Variants in NSMCE1 observed in about 807,000 individuals in gnomAD.
The protein encoded by NSMCE1 is NSE1 component of SMC5/6 complex, also known as non-structural maintenance of chromosomes element 1 homolog.
A neutral mutation model predicts 29.6 loss-of-function variants in NSMCE1; 18 were observed. The observed-to-expected ratio is 0.61, with a 90% CI of 0.42 to 0.90. The LOEUF (loss-of-function observed/expected upper bound fraction) is 0.90. Ranked by LOEUF, NSMCE1 falls within the 40% of genes least tolerant of loss-of-function variation. NSMCE1 has a pLI of 0.00. For synonymous variants in NSMCE1, 124 were observed against 133.4 expected, an observed-to-expected ratio of 0.93 and a Z score of 0.49; for missense variants, 314 against 343.6, an observed-to-expected ratio of 0.91 and a Z score of 0.68.
intron 2 of NSMCE1, among the ~76,000 whole-genome samples, chr16:27,252,897 C>T (rs144246772): frequency 0.023 from 3,552 of 151,968 alleles, 138 homozygotes; most frequent in African/African-American, 0.08. Context: ...CCAGCCTGGG[C>T]GACAAGAGCA....
At chr16:27,245,427 T>C (rs114723873) in intron 2 of NSMCE1, among the ~76,000 whole-genome samples, 3,248 of 152,306 alleles carry the variant, frequency 0.021, 115 homozygotes, top group African/African-American at 0.073. Flanking sequence ...CCCAAACACA[T>C]GATGTGTGTG....
chr16:27,256,651 T>C (rs942791922), intron 2 of NSMCE1, among the ~76,000 whole-genome samples: 3 of 152,176 alleles, frequency 2.0e-5, no homozygotes, highest in African/African-American at 7.2e-5. Context: ...GACTGATCTA[T>C]CAACACTGAT....
At chr16:27,247,253 C>T (rs747753957) in intron 2 of NSMCE1, among the ~76,000 whole-genome samples, 53 of 152,108 alleles carry the variant, frequency 3.5e-4, no homozygotes, top group Non-Finnish European at 6.8e-4. Flanking sequence ...ATTCTTGTGA[C>T]AGTGAGTGAG....
intron 1 of NSMCE1, among the ~76,000 whole-genome samples, chr16:27,261,796 A>G (rs1430914176): frequency 6.6e-6 from 1 of 152,246 alleles, no homozygotes; most frequent in South Asian, 2.1e-4. Flanking sequence ...TCATGAACAC[A>G]GCTACAGTAT....
intron 5 of NSMCE1, among the ~76,000 whole-genome samples, chr16:27,227,973 C>T (rs1369745372): frequency 6.6e-6 from 1 of 152,054 alleles, no homozygotes; most frequent in African/African-American, 2.4e-5. Context: ...TTAGTAGAGA[C>T]AGGGTTTCAC....
At chr16:27,226,025 T>C in intron 6 of NSMCE1, 179 bp from the exon 7 acceptor site, 1 of 680,012 alleles carries the variant, frequency 1.5e-6, no homozygotes, top group Non-Finnish European at 2.4e-6. Flanking sequence ...GTTTGCTTGC[T>C]GCTTGTTGCG....
chr16:27,267,091 T>C (rs2084234002), intron 1 of NSMCE1, among the ~76,000 whole-genome samples: 1 of 152,128 alleles, frequency 6.6e-6, no homozygotes, highest in African/African-American at 2.4e-5. Flanking sequence ...AGAGTTCATA[T>C]ATACAGATAA....
At chr16:27,238,841 A>C (rs1204136845) in intron 2 of NSMCE1, among the ~76,000 whole-genome samples, 1 of 150,404 alleles carries the variant, frequency 6.6e-6, no homozygotes, top group Non-Finnish European at 1.5e-5. Context: ...AATGAGTCCT[A>C]TGTGTCCCTC....
At chr16:27,252,216 G>A (rs1315965253) in intron 2 of NSMCE1, among the ~76,000 whole-genome samples, 1 of 152,120 alleles carries the variant, frequency 6.6e-6, no homozygotes, top group Admixed American at 6.5e-5. Flanking sequence ...GATGGGGGCT[G>A]GTCACCAGAA....
chr16:27,238,780 A>T (rs1309011984), intron 2 of NSMCE1, among the ~76,000 whole-genome samples: 1 of 152,036 alleles, frequency 6.6e-6, no homozygotes, highest in Non-Finnish European at 1.5e-5. Flanking sequence ...TGCTCTGGCC[A>T]TGAGGTGATG....
chr16:27,251,207 T>TATATATATAAA (rs1555477430), intron 2 of NSMCE1, among the ~76,000 whole-genome samples: 1 of 70,770 alleles, frequency 1.4e-5, no homozygotes, highest in Non-Finnish European at 2.9e-5. Context: ...TATATATATA[T>TATATATATAAA]AAAACTCTGT....
chr16:27,265,161 CTTTTTTT>C (rs5816427), intron 1 of NSMCE1, among the ~76,000 whole-genome samples: 3 of 82,672 alleles, frequency 3.6e-5, no homozygotes, highest in African/African-American at 4.8e-5. Flanking sequence ...AATTCTTTTC[CTTTTTTT>C]TTTTTTTTTT....
chr16:27,259,101 G>T (rs755329006), intron 1 of NSMCE1, among the ~76,000 whole-genome samples: 9 of 152,028 alleles, frequency 5.9e-5, no homozygotes, highest in Non-Finnish European at 8.8e-5. Context: ...GGGAAAATGC[G>T]CCATCTCATA....
intron 1 of NSMCE1, chr16:27,258,297 C>T (rs1486338250): frequency 1.3e-5 from 2 of 152,374 alleles, no homozygotes; most frequent in African/African-American, 2.4e-5. Flanking sequence ...CTGATCAAAA[C>T]GCTGGCTACT....
chr16:27,246,070 T>A (rs2083954316), intron 2 of NSMCE1, among the ~76,000 whole-genome samples: 1 of 152,116 alleles, frequency 6.6e-6, no homozygotes. Flanking sequence ...TACAGGCATG[T>A]CAATCAGCAC....
chr16:27,225,776 GC>G lies in NSMCE1; in HGVS notation c.670del (p.Ala224LeufsTer31), dbSNP rs1424889471. ...GTTGCAGTGGGGGCAGCGCGGTTCA[GC>G]ATTCGACTGGAAGTACTTGGCCACG... ...PCVAKYFQSN[A>X]EPRCPHCNDY... On this transcript the variant is annotated frameshift_variant, in exon 7 of 8. Transcript: ENST00000361439. LOFTEE classifies it high-confidence loss of function. 1 of 1,614,170 alleles carries G rather than the reference GC, an allele frequency of 6.2e-7. No individual in the cohort carries two copies. The highest frequency in any genetic ancestry group is 1.7e-5 in the Admixed American group (1 of 60,024).
intron 2 of NSMCE1, among the ~76,000 whole-genome samples, chr16:27,239,122 T>G (rs2083861145): frequency 6.6e-6 from 1 of 152,200 alleles, no homozygotes; most frequent in Non-Finnish European, 1.5e-5. Flanking sequence ...TCTGCCCACC[T>G]GTCTCCCCAA....
chr16:27,237,614 G>A (rs1326273011), intron 2 of NSMCE1, among the ~76,000 whole-genome samples: 1 of 131,592 alleles, frequency 7.6e-6, no homozygotes, highest in African/African-American at 3.2e-5. Flanking sequence ...CACCCAGTGT[G>A]ACACTGGGGC....
chr16:27,240,037 G>A (rs2083874942), intron 2 of NSMCE1, among the ~76,000 whole-genome samples: 1 of 152,184 alleles, frequency 6.6e-6, no homozygotes. Flanking sequence ...AGTATCATCT[G>A]TATATACAGG....
Sources: gnomAD v4.1 joint callset for allele counts (sites outside exome capture counted in the v4.1 genomes callset) on GRCh38, gnomAD v4.1.1 for gene constraint, MANE v1.5 for transcripts, NCBI Gene and HGNC (gene_info 2026-07-23, HGNC 2026-07-21) for gene names.